Variants in COXFA4L2 observed in about 807,000 individuals in gnomAD.
The protein encoded by COXFA4L2 is cytochrome c oxidase hypoxia associated subunit FA4L2.
the COXFA4L2 span, chr12:57,236,668 A>G: frequency 1.3e-6 from 2 of 1,568,714 alleles, no homozygotes; most frequent in Non-Finnish European, 8.6e-7. Context: ...GATTAAGCCG[A>G]TCATCGGGAT....
At chr12:57,239,799 C>T in the COXFA4L2 span, 1 of 152,926 alleles carries the variant, frequency 6.5e-6, no homozygotes, top group African/African-American at 2.4e-5. This position sits in a 1 kb window ranked among gnomAD's most constrained non-coding sequence, Gnocchi z 5.5. Flanking sequence ...GTCTCGCTCC[C>T]TCCCTCCACA....
the COXFA4L2 span, chr12:57,236,467 C>G: frequency 1.3e-6 from 1 of 787,210 alleles, no homozygotes; most frequent in Non-Finnish European, 1.9e-6. Context: ...GGCTCCAGCC[C>G]TGAGATGCCG....
chr12:57,236,741 C>G, the COXFA4L2 span: 1 of 1,456,248 alleles, frequency 6.9e-7, no homozygotes, highest in South Asian at 1.3e-5. Flanking sequence ...TCCCAGTCAC[C>G]CTTTACAAGC....
chr12:57,237,153 C>G, the COXFA4L2 span: 1 of 1,613,738 alleles, frequency 6.2e-7, no homozygotes, highest in East Asian at 2.2e-5. Context: ...GGTCCCGCCC[C>G]TGAGTGGGGA....
the COXFA4L2 span, chr12:57,235,154 C>A: frequency 4.5e-6 from 1 of 220,080 alleles, no homozygotes; most frequent in Non-Finnish European, 9.3e-6. Context: ...GGCTGGCTCT[C>A]AGAGCCTGGG....
chr12:57,237,986 C>G, the COXFA4L2 span: 1 of 153,648 alleles, frequency 6.5e-6, no homozygotes, highest in Admixed American at 6.5e-5. Flanking sequence ...CAGGTGTGTG[C>G]TGTGCTGCTG....
the COXFA4L2 span, among the ~76,000 whole-genome samples, chr12:57,238,408 G>A: frequency 7.6e-4 from 103 of 135,072 alleles, no homozygotes; most frequent in Non-Finnish European, 4.5e-4. This position sits in a 1 kb window ranked among gnomAD's most constrained non-coding sequence, Gnocchi z 6.8. Flanking sequence ...CGATGTGTGT[G>A]GGGGGGGCGG....
At chr12:57,237,428 T>A in the COXFA4L2 span, 1 of 1,103,024 alleles carries the variant, frequency 9.1e-7, no homozygotes, top group Non-Finnish European at 1.2e-6. Flanking sequence ...GGAGGAGGCA[T>A]GGCCATGGGA....
chr12:57,236,389 G>C, the COXFA4L2 span: 1 of 501,568 alleles, frequency 2.0e-6, no homozygotes, highest in African/African-American at 2.0e-5. Flanking sequence ...ATTTCAGGGC[G>C]GGCCAAGCTG....
the COXFA4L2 span, chr12:57,236,113 G>A: frequency 2.7e-6 from 1 of 368,282 alleles, no homozygotes; most frequent in Non-Finnish European, 4.9e-6. Flanking sequence ...AGAGTCGTGG[G>A]AATCAGACAC....
At chr12:57,239,857 C>CT in the COXFA4L2 span, 1 of 152,670 alleles carries the variant, frequency 6.6e-6, no homozygotes, top group Non-Finnish European at 1.5e-5. This position sits in a 1 kb window ranked among gnomAD's most constrained non-coding sequence, Gnocchi z 5.5. Flanking sequence ...CTCTTTGTCT[C>CT]TGTCTTTATC....
the COXFA4L2 span, among the ~76,000 whole-genome samples, chr12:57,238,469 A>C: frequency 2.6e-5 from 4 of 152,104 alleles, no homozygotes; most frequent in Non-Finnish European, 2.9e-5. This position sits in a 1 kb window ranked among gnomAD's most constrained non-coding sequence, Gnocchi z 6.8. Context: ...AGCCCTCCCG[A>C]GAGCCCGCGC....
the COXFA4L2 span, among the ~76,000 whole-genome samples, chr12:57,237,578 C>G: frequency 6.6e-6 from 1 of 152,212 alleles, no homozygotes; most frequent in African/African-American, 2.4e-5. Flanking sequence ...GGTTCTGTCC[C>G]CTCCACAGTG....
the COXFA4L2 span, chr12:57,235,817 G>C: frequency 1.3e-6 from 2 of 1,531,646 alleles, no homozygotes; most frequent in Non-Finnish European, 1.8e-6. Flanking sequence ...CAGCTGTGGA[G>C]CAGGAGGGGG....
chr12:57,237,063 G>A, the COXFA4L2 span: 12 of 1,614,056 alleles, frequency 7.4e-6, 1 homozygote, highest in South Asian at 1.2e-4. Context: ...GTAGAAGCGG[G>A]CCCCAAGACT....
At chr12:57,237,061 G>C in the COXFA4L2 span, 30 of 1,614,064 alleles carry the variant, frequency 1.9e-5, no homozygotes, top group Non-Finnish European at 2.3e-5. Context: ...CGGTAGAAGC[G>C]GGCCCCAAGA....
the COXFA4L2 span, chr12:57,236,214 T>G: frequency 3.1e-6 from 1 of 324,054 alleles, no homozygotes; most frequent in South Asian, 1.2e-4. Context: ...CGCGGCCGGG[T>G]GTGAAATCTC....
the COXFA4L2 span, chr12:57,236,481 G>A: frequency 1.1e-6 from 1 of 872,662 alleles, no homozygotes; most frequent in Non-Finnish European, 1.7e-6. Flanking sequence ...GATGCCGGTC[G>A]GTACAGTCGA....
the COXFA4L2 span, chr12:57,237,886 G>C: frequency 6.5e-6 from 1 of 154,494 alleles, no homozygotes; most frequent in Non-Finnish European, 1.5e-5. Flanking sequence ...GGAATGGAGT[G>C]GGGGAAACAG....
Sources: gnomAD v4.1 joint callset for allele counts (sites outside exome capture counted in the v4.1 genomes callset) on GRCh38, gnomAD v4.1.1 for gene constraint, Gnocchi (gnomAD v3.1) non-coding constraint, MANE v1.5 for transcripts, NCBI Gene and HGNC (gene_info 2026-07-23, HGNC 2026-07-21) for gene names.